The following CPLX1 variants were observed in gnomAD, a reference collection of about 807,000 sequenced individuals.
The protein encoded by CPLX1 is complexin 1.
In CPLX1, 6 loss-of-function variants were observed where a neutral mutation model predicts 15.6. That is an observed-to-expected ratio of 0.39 (90% CI 0.21 to 0.76). The LOEUF (loss-of-function observed/expected upper bound fraction) is 0.76, where lower values mean the gene tolerates loss of function less well. Ranked by LOEUF, CPLX1 falls within the 30% of genes least tolerant of loss-of-function variation. The pLI, the probability that CPLX1 is intolerant of heterozygous loss-of-function variation, is 0.43. For missense variants in CPLX1, 242 were observed against 188.6 expected, an observed-to-expected ratio of 1.28 and a Z score of -1.66; for synonymous variants, 91 against 75.2, an observed-to-expected ratio of 1.21 and a Z score of -1.08.
rs530081623 is a variant in CPLX1 at position 809,236 on chromosome 4, C to T, written c.31+15256G>A. ...CTGGCGGGTGGCTCTCGCCACCCCA[C>T]GTCCTCGCCTATAGACAGTGGAACG... On this transcript the variant is annotated intron_variant, in intron 2 of 3. Transcript: ENST00000304062. Among the ~76,000 whole-genome samples, 152 of 152,370 alleles carry T rather than the reference C, an allele frequency of 1.0e-3. 3 individuals carry two copies. The South Asian group carries it at 0.029, about 29-fold the overall frequency.
At chr4:791,416 T>C (rs1362347596) in intron 3 of CPLX1, among the ~76,000 whole-genome samples, 1 of 152,124 alleles carries the variant, frequency 6.6e-6, no homozygotes, top group East Asian at 1.9e-4. Flanking sequence ...AGCTGGCCTT[T>C]TGGGTACAGC....
intron 2 of CPLX1, among the ~76,000 whole-genome samples, chr4:795,735 A>G (rs1439358036): frequency 7.2e-6 from 1 of 139,156 alleles, no homozygotes; most frequent in East Asian, 2.1e-4. Context: ...CCCTCTGGGG[A>G]GGGAGTTCAG....
At chr4:799,910 G>A (rs1179058666) in intron 2 of CPLX1, among the ~76,000 whole-genome samples, 2 of 152,136 alleles carry the variant, frequency 1.3e-5, no homozygotes, top group East Asian at 3.9e-4. Context: ...ATAGGCATAT[G>A]TTTCCCTGAA....
At chr4:812,124 G>C (rs1746675337) in intron 2 of CPLX1, among the ~76,000 whole-genome samples, 1 of 151,998 alleles carries the variant, frequency 6.6e-6, no homozygotes, top group African/African-American at 2.4e-5. Context: ...ACCCAGGTTG[G>C]AGTGCAGTGG....
chr4:806,178 C>G (rs1746552393), intron 2 of CPLX1, among the ~76,000 whole-genome samples: 1 of 152,140 alleles, frequency 6.6e-6, no homozygotes, highest in Non-Finnish European at 1.5e-5. Context: ...GTAACCAAAA[C>G]AGCATGGTAC....
intron 2 of CPLX1, among the ~76,000 whole-genome samples, chr4:800,318 T>C (rs2152645051): frequency 6.6e-6 from 1 of 152,222 alleles, no homozygotes; most frequent in South Asian, 2.1e-4. Context: ...GCTGAGAGAA[T>C]ATATTTGCAA....
At chr4:807,207 A>G (rs1213749086) in intron 2 of CPLX1, among the ~76,000 whole-genome samples, 1 of 152,262 alleles carries the variant, frequency 6.6e-6, no homozygotes, top group Non-Finnish European at 1.5e-5. Flanking sequence ...CATTATCTTC[A>G]GCAAACTAAC....
Position 795,804 on chromosome 4 carries a change from GT to G in CPLX1, c.32-3197del, listed in dbSNP as rs1446427375. On this transcript the variant is annotated intron_variant, in intron 2 of 3. Transcript: ENST00000304062. ...TCGCCCCAAACCGGGTGGAGAGGGG[GT>G]GGGGGGGGGGTGCAGATCGCGGCGC... 1.1e-4 allele frequency among the ~76,000 whole-genome samples: 16 copies of G among 146,570 alleles called. No homozygotes were observed. In the East Asian group the frequency reaches 2.6e-3, roughly 23 times the overall value.
chr4:789,122 T>C (rs1350063868), intron 3 of CPLX1, among the ~76,000 whole-genome samples: 1 of 152,192 alleles, frequency 6.6e-6, no homozygotes, highest in Non-Finnish European at 1.5e-5. Flanking sequence ...GGACTTGGCC[T>C]GAGGGCCAGG....
chr4:804,926 C>T (rs1367396547), intron 2 of CPLX1: 4 of 985,354 alleles, frequency 4.1e-6, no homozygotes, highest in East Asian at 1.1e-4. Context: ...AGTGCGTCGC[C>T]GCGAGCACGT....
chr4:814,793 C>T (rs1054261433), intron 2 of CPLX1, among the ~76,000 whole-genome samples: 1 of 152,244 alleles, frequency 6.6e-6, no homozygotes, highest in Non-Finnish European at 1.5e-5. Context: ...AACCACCGGG[C>T]ATCTGCCAGT....
chr4:818,626 C>T (rs6599380), intron 2 of CPLX1, among the ~76,000 whole-genome samples: 56,479 of 152,036 alleles, frequency 0.37, 11,066 homozygotes, highest in African/African-American at 0.49. Flanking sequence ...CCAGGAAAGC[C>T]GCGCCATGTG....
intron 2 of CPLX1, among the ~76,000 whole-genome samples, chr4:813,632 A>C (rs1450910105): frequency 6.6e-6 from 1 of 152,230 alleles, no homozygotes; most frequent in African/African-American, 2.4e-5. Flanking sequence ...CCTAAAGGGC[A>C]GAAGTGATTC....
At chr4:816,455 T>A (rs1434344550) in intron 2 of CPLX1, among the ~76,000 whole-genome samples, 2 of 152,148 alleles carry the variant, frequency 1.3e-5, no homozygotes, top group African/African-American at 4.8e-5. Context: ...CCTGACCTCG[T>A]GATCCACCTG....
At position 824,621 on chromosome 4, in the gene CPLX1, T is replaced by C. The variant is rs1476948692; in HGVS notation, c.-79-20A>G. On this transcript the variant is annotated intron_variant, in intron 1 of 3. Coordinates refer to ENST00000304062, the MANE Select transcript of CPLX1 (RefSeq NM_006651.4). ...TTCTTCCTGGGGGAGAGTGAAGTGG[T>C]CACAGGTCACCCTAAGCAGGCCCCT... 1.5e-6 allele frequency: 2 copies of C among 1,316,440 alleles called. No individual in the cohort carries two copies. Among genetic ancestry groups the C allele is most frequent in the Non-Finnish European group, 2.2e-6 (2 of 912,050 alleles). The allele number at this position is 1,316,440 out of a possible 1,614,324, so 81.5% of individuals were successfully genotyped here.
intron 2 of CPLX1, among the ~76,000 whole-genome samples, chr4:815,889 C>T (rs1267544928): frequency 1.3e-5 from 2 of 152,190 alleles, no homozygotes; most frequent in Admixed American, 1.3e-4. Flanking sequence ...TAGGTCTCTA[C>T]TGATTCCATA....
chr4:806,654 G>A (rs1746560765), intron 2 of CPLX1, among the ~76,000 whole-genome samples: 1 of 152,066 alleles, frequency 6.6e-6, no homozygotes, highest in South Asian at 2.1e-4. Flanking sequence ...TCTGACAAAG[G>A]TCTAATGTCC....
chr4:791,333 T>A (rs1303295072), intron 3 of CPLX1, among the ~76,000 whole-genome samples: 1 of 144,016 alleles, frequency 6.9e-6, no homozygotes, highest in Non-Finnish European at 1.5e-5. Context: ...CTCTGCACCC[T>A]CCAGGGTGCA....
chr4:792,414 G>A lies in CPLX1; in HGVS notation c.207+19C>T. On this transcript the variant is annotated intron_variant, in intron 3 of 3. Coordinates refer to ENST00000304062, the MANE Select transcript of CPLX1 (RefSeq NM_006651.4). ...ACTCAGGGCCGCCTTCCCGCAGGCG[G>A]GGCCGGCCCGGCGCGCACCTTGTCT... 2 of 1,511,422 alleles carry A rather than the reference G, an allele frequency of 1.3e-6. No homozygotes were observed. Among genetic ancestry groups the A allele is most frequent in the Middle Eastern group, 2.1e-4 (1 of 4,798 alleles). The allele number at this position is 1,511,422 out of a possible 1,614,324, so 93.6% of individuals were successfully genotyped here.
Sources: allele counts gnomAD v4.1 joint callset (sites outside exome capture counted in the v4.1 genomes callset), GRCh38; gene constraint gnomAD v4.1.1; transcripts MANE v1.5; gene names NCBI Gene and HGNC (gene_info 2026-07-23, HGNC 2026-07-21).